ZFPM2: variants seen among roughly 807,000 people sequenced by gnomAD.
ZFPM2 encodes zinc finger protein ZFPM2.
In ZFPM2, 20 loss-of-function variants were observed where a neutral mutation model predicts 98.6. That is an observed-to-expected ratio of 0.20 (90% CI 0.14 to 0.29). The LOEUF (loss-of-function observed/expected upper bound fraction) is 0.29, where lower values mean the gene tolerates loss of function less well. Ranked by LOEUF, ZFPM2 falls within the 10% of genes least tolerant of loss-of-function variation. The pLI, the probability that ZFPM2 is intolerant of heterozygous loss-of-function variation, is 1.00. For synonymous variants in ZFPM2, 518 were observed against 502.7 expected, an observed-to-expected ratio of 1.03 and a Z score of -0.41; for missense variants, 1,310 against 1,388.6, an observed-to-expected ratio of 0.94 and a Z score of 0.90.
chr8:105,477,305 T>G (rs1435192238), intron 3 of ZFPM2, among the ~76,000 whole-genome samples: 10 of 141,930 alleles, frequency 7.0e-5, no homozygotes, highest in Non-Finnish European at 1.5e-4. Flanking sequence ...AGTGCAGTGG[T>G]GCGATCTCAG....
intron 3 of ZFPM2, among the ~76,000 whole-genome samples, chr8:105,461,225 C>G (rs1241277463): frequency 6.6e-6 from 1 of 152,062 alleles, no homozygotes; most frequent in East Asian, 1.9e-4. Flanking sequence ...GTCAATTCAG[C>G]TCTCTGGATT....
At position 105,802,653 on chromosome 8, in the gene ZFPM2, T is replaced by G. The variant is rs1005363861; in HGVS notation, c.2571T>G (p.Thr857=). ...GGCTGCTGGACTATCACGAGTGCAC[T>G]GTGTGCAAGATCAGTTTCAATAAGG... ...PKRLLDYHEC[T]VCKISFNKVE... The change falls in exon 8 of 8, where the codon ACT becomes ACG. Residue 857 remains threonine, a synonymous_variant. Transcript: ENST00000407775. 26 of 1,611,122 alleles carry G rather than the reference T, an allele frequency of 1.6e-5. No homozygotes were observed. The highest frequency in any genetic ancestry group is 1.9e-5 in the Non-Finnish European group (22 of 1,178,718).
At chr8:105,586,023 G>A (rs1203008187) in intron 4 of ZFPM2, among the ~76,000 whole-genome samples, 1 of 150,200 alleles carries the variant, frequency 6.7e-6, no homozygotes, top group African/African-American at 2.5e-5. Context: ...GTGTGTGTGT[G>A]TGTGTGTGTG....
intron 4 of ZFPM2, among the ~76,000 whole-genome samples, chr8:105,585,076 G>A (rs1405434135): frequency 6.6e-6 from 1 of 152,138 alleles, no homozygotes. Context: ...ATCCAGACAA[G>A]GCAGTGCTTC....
intron 2 of ZFPM2, among the ~76,000 whole-genome samples, chr8:105,443,317 AAC>A (rs1349598908): frequency 0.014 from 2,022 of 148,118 alleles, 173 homozygotes; most frequent in African/African-American, 0.049. Flanking sequence ...CTTCTCAAAA[AAC>A]AAAAAACAAA....
At chr8:105,616,192 GCAAGTTT>G (rs1816410462) in intron 4 of ZFPM2, among the ~76,000 whole-genome samples, 2 of 151,854 alleles carry the variant, frequency 1.3e-5, no homozygotes, top group African/African-American at 4.8e-5. Context: ...TGCCCTACAA[GCAAGTTT>G]TTACATTTGA....
At chr8:105,798,093 TAATC>T (rs1251949988) in intron 6 of ZFPM2, 1 of 152,236 alleles carries the variant, frequency 6.6e-6, no homozygotes, top group African/African-American at 2.4e-5. Context: ...CCTTACCTTT[TAATC>T]AATCAGATAA....
Position 105,358,159 on chromosome 8 carries a change from T to C in ZFPM2, c.40+39178T>C, listed in dbSNP as rs566745612. Among the ~76,000 whole-genome samples the C allele has an allele frequency of 2.0e-5, 3 of 152,252 alleles. No individual in the cohort carries two copies. In the South Asian group the frequency reaches 6.2e-4, roughly 32 times the overall value. On this transcript the variant is annotated intron_variant, in intron 1 of 7. Transcript: ENST00000407775. ...GCTGTTATATCACCCCTGGAGATAA[T>C]TGGAGATAACCTAGTGTGTCGTAAA... is the stretch of plus-strand genomic sequence containing the variant.
At chr8:105,430,397 C>G (rs1337505097) in intron 2 of ZFPM2, among the ~76,000 whole-genome samples, 2 of 152,020 alleles carry the variant, frequency 1.3e-5, no homozygotes, top group East Asian at 1.9e-4. Context: ...GTTGGAAAAC[C>G]AAACAGATTC....
At chr8:105,386,480 G>A (rs1810992514) in intron 1 of ZFPM2, among the ~76,000 whole-genome samples, 1 of 152,096 alleles carries the variant, frequency 6.6e-6, no homozygotes, top group Non-Finnish European at 1.5e-5. Context: ...AAGGTGGTGT[G>A]TCTGGAGTTT....
rs987914658 is a variant in ZFPM2, at chr8:105,692,464, CATTATT to C, written c.532+58114_532+58119del. Among the ~76,000 whole-genome samples, 5 of 152,216 alleles carry C rather than the reference CATTATT, an allele frequency of 3.3e-5. No homozygotes were observed. In the East Asian group the frequency reaches 9.6e-4, roughly 29 times the overall value. On this transcript the variant is annotated intron_variant, in intron 5 of 7. Transcript: ENST00000407775. ...ACCACTGGCATGGAAGATTCAGTTGCATTATTATTATTTTATTATTGAATCACATAA... is the reference window on the plus strand; with the variant it reads ...ACCACTGGCATGGAAGATTCAGTTGCATTATTTTATTATTGAATCACATAA...
At chr8:105,319,586 C>T (rs1811979684) in intron 1 of ZFPM2, 1 of 152,650 alleles carries the variant, frequency 6.6e-6, no homozygotes, top group Non-Finnish European at 1.5e-5. Context: ...GCGTCTCTGC[C>T]CTGCGGGCGC....
chr8:105,524,105 T>C (rs1814119940), intron 3 of ZFPM2, among the ~76,000 whole-genome samples: 1 of 152,162 alleles, frequency 6.6e-6, no homozygotes, highest in Non-Finnish European at 1.5e-5. Context: ...CAACTATTAA[T>C]ATATATATTT....
At chr8:105,711,032 C>A (rs1811381274) in intron 5 of ZFPM2, among the ~76,000 whole-genome samples, 1 of 151,970 alleles carries the variant, frequency 6.6e-6, no homozygotes, top group Non-Finnish European at 1.5e-5. Context: ...TCCCCTCTTC[C>A]TTACACATAC....
rs150890117 is a variant in ZFPM2, at chr8:105,736,103, G to C, written c.533-52615G>C. Among the ~76,000 whole-genome samples the C allele has an allele frequency of 2.9e-3, 438 of 152,026 alleles. 1 individual carries two copies. The highest frequency in any genetic ancestry group is 4.8e-3 in the South Asian group (23 of 4,824). ...AAACATGTGCTTATTTGTAAGCATT[G>C]AGATTTTTTTTCTCTAATCCAGTAA... On this transcript the variant is annotated intron_variant, in intron 5 of 7. Transcript: ENST00000407775.
chr8:105,558,144 T>C (rs1245837519), intron 3 of ZFPM2, among the ~76,000 whole-genome samples: 3 of 152,170 alleles, frequency 2.0e-5, no homozygotes, highest in African/African-American at 2.4e-5. Flanking sequence ...AAATAAAATA[T>C]CATACTCTTA....
intron 1 of ZFPM2, among the ~76,000 whole-genome samples, chr8:105,370,157 T>A (rs1211062382): frequency 6.6e-6 from 1 of 151,756 alleles, no homozygotes; most frequent in Non-Finnish European, 1.5e-5. Context: ...GCAAAGTAAA[T>A]CCAGTGCAAA....
intron 1 of ZFPM2, among the ~76,000 whole-genome samples, chr8:105,385,166 C>T (rs10808404): frequency 0.54 from 82,644 of 151,984 alleles, 22,683 homozygotes; most frequent in Admixed American, 0.59. Context: ...CACAACTGAG[C>T]CTGTGGCCCA....
At chr8:105,737,512 T>C (rs1812105734) in intron 5 of ZFPM2, 1 of 152,550 alleles carries the variant, frequency 6.6e-6, no homozygotes, top group Non-Finnish European at 1.5e-5. Context: ...TTTGGGTGAT[T>C]CCTTGAGGAC....
Sources: gnomAD v4.1 joint callset for allele counts (sites outside exome capture counted in the v4.1 genomes callset) on GRCh38, gnomAD v4.1.1 for gene constraint, MANE v1.5 for transcripts, NCBI Gene and HGNC (gene_info 2026-07-23, HGNC 2026-07-21) for gene names.